The following ZNF740 variants were observed in gnomAD, a reference collection of about 807,000 sequenced individuals.
The protein encoded by ZNF740 is oriLyt TD-element-binding protein 7.
Under a neutral mutation model 24.8 loss-of-function variants are expected in ZNF740, and 14 were observed. The ratio of observed to expected loss-of-function variants is 0.56; its 90% CI spans 0.37 to 0.88. The LOEUF is 0.88. Ranked by LOEUF, ZNF740 falls within the 40% of genes least tolerant of loss-of-function variation. The pLI, the probability that ZNF740 is intolerant of heterozygous loss-of-function variation, is 0.00. For missense variants in ZNF740, 201 were observed against 247.9 expected (o/e 0.81, Z 1.27); for synonymous variants, 69 against 84.0 (o/e 0.82, Z 0.98).
In ZNF740 at chr12:53,191,554, C is replaced by T; in HGVS notation, c.*3964C>T. 6.2e-7 allele frequency: 1 copy of T among 1,605,424 alleles called. No individual in the cohort carries two copies. The highest frequency in any genetic ancestry group is 8.5e-7 in the Non-Finnish European group (1 of 1,172,028). On this transcript the variant is annotated 3_prime_UTR_variant, in exon 7 of 7. Transcript: ENST00000416904. ...AGCCTTGGGTAAGTGTCCCTCCCTC[C>T]TTCAGAGAGTGGGACTGTCTGCCTC...
At position 53,194,024 on chromosome 12, in the gene ZNF740, C is replaced by G; in HGVS notation, c.*6434C>G. 4.6e-6 allele frequency: 6 copies of G among 1,296,410 alleles called. No individual in the cohort carries two copies. The highest frequency in any genetic ancestry group is 6.5e-6 in the Non-Finnish European group (6 of 929,144). 80.3% of individuals were successfully genotyped at this position (1,296,410 alleles called of 1,614,324 possible). ...GGGATGGGGTCATGTTAACACCCAA[C>G]TCCTAGAAACATGCCTGAGGAAGCC... is the stretch of plus-strand genomic sequence containing the variant. On this transcript the variant is annotated 3_prime_UTR_variant, in exon 7 of 7. Transcript: ENST00000416904.
In ZNF740 at chr12:53,180,854, A is replaced by G. The variant is rs1331912956; in HGVS notation, c.-308+17A>G. On this transcript the variant is annotated intron_variant, in intron 1 of 6. Transcript: ENST00000416904. ...GCCTGGCAGGTAGGAGCAAGCCCCAAAGACCGCAGCGTCGTCCGTACAGAC... is the reference window on the plus strand; with the variant it reads ...GCCTGGCAGGTAGGAGCAAGCCCCAGAGACCGCAGCGTCGTCCGTACAGAC... The G allele has an allele frequency of 1.6e-6, 2 of 1,263,402 alleles. No homozygotes were observed. Among genetic ancestry groups the G allele is most frequent in the Non-Finnish European group, 2.0e-6 (2 of 978,480 alleles). 78.3% of individuals were successfully genotyped at this position (1,263,402 alleles called of 1,614,324 possible).
At chr12:53,182,307 C>T (rs886570325) in intron 2 of ZNF740, 3 of 289,168 alleles carry the variant, frequency 1.0e-5, no homozygotes, top group Non-Finnish European at 1.9e-5. Flanking sequence ...ACGGTGAATG[C>T]TTCTTTTGTT....
chr12:53,186,205 T>C, intron 5 of ZNF740, 128 bp downstream of exon 5: 1 of 1,325,112 alleles, frequency 7.5e-7, no homozygotes, highest in Non-Finnish European at 1.0e-6. Context: ...GATAAGTCAA[T>C]GAAGCAGAGA....
Position 53,192,238 on chromosome 12 carries a change from C to CA in ZNF740, c.*4649dup. 4 of 1,391,650 alleles carry CA rather than the reference C, an allele frequency of 2.9e-6. No homozygotes were observed. The South Asian group carries it at 4.8e-5, about 17-fold the overall frequency. 86.2% of individuals were successfully genotyped at this position (1,391,650 alleles called of 1,614,324 possible). A position where few individuals can be genotyped will look rare whatever the true frequency, so the allele number is the denominator to read the frequency against. ...GGATTCACAGTTCTGCTTCAGCCCC[C>CA]AGCCTGTTTCCCATTATCTTCACTC... On this transcript the variant is annotated 3_prime_UTR_variant, in exon 7 of 7. Coordinates refer to ENST00000416904, the MANE Select transcript of ZNF740 (RefSeq NM_001004304.4).
At position 53,192,754 on chromosome 12, in the gene ZNF740, T is replaced by A. The variant is rs750039139; in HGVS notation, c.*5164T>A. The A allele has an allele frequency of 6.2e-7, 1 of 1,614,206 alleles. No homozygotes were observed. The highest frequency in any genetic ancestry group is 8.5e-7 in the Non-Finnish European group (1 of 1,180,042). The stretch of plus-strand genomic sequence containing the variant: ...GTCGCATAGAGCACCATAGTAGCCG[T>A]CCAAGCACTGGCAGCGGTTGCATTT... On this transcript the variant is annotated 3_prime_UTR_variant, in exon 7 of 7. Transcript: ENST00000416904.
Position 53,193,947 on chromosome 12 carries a change from C to A in ZNF740, c.*6357C>A. 6.5e-7 allele frequency: 1 copy of A among 1,536,674 alleles called. No individual in the cohort carries two copies. ...GGCCATGGTTATACACATGCACACA[C>A]ACATACCCCAAACTCACCAATCATC... On this transcript the variant is annotated 3_prime_UTR_variant, in exon 7 of 7. Transcript: ENST00000416904.
rs1942013787 is a variant in ZNF740, at chr12:53,192,909, G to A, written c.*5319G>A. ...ATACTCCACATTGGCAGCGACCAAA[G>A]CCTGGGGTAGAGCCATGCAGAGGGT... On this transcript the variant is annotated 3_prime_UTR_variant, in exon 7 of 7. Coordinates refer to ENST00000416904, the MANE Select transcript of ZNF740 (RefSeq NM_001004304.4). 6.2e-7 allele frequency: 1 copy of A among 1,613,828 alleles called. No homozygotes were observed. The highest frequency in any genetic ancestry group is 1.1e-5 in the South Asian group (1 of 91,046).
chr12:53,182,292 A>G, intron 2 of ZNF740: 1 of 362,378 alleles, frequency 2.8e-6, no homozygotes, highest in Non-Finnish European at 5.0e-6. Flanking sequence ...AAGGGAGTGA[A>G]TAGTACGGTG....
At position 53,190,835 on chromosome 12, in the gene ZNF740, T is replaced by G. The variant is rs1320664890; in HGVS notation, c.*3245T>G. The G allele has an allele frequency of 6.6e-6, 1 of 152,402 alleles. No individual in the cohort carries two copies. The highest frequency in any genetic ancestry group is 2.4e-5 in the African/African-American group (1 of 41,434). 9.4% of individuals were successfully genotyped at this position (152,402 alleles called of 1,614,324 possible). ...TTCCTTCGTGATATATTTAGGATAT[T>G]TAAATAAAAGGAAAATGGGGCTTTT... On this transcript the variant is annotated 3_prime_UTR_variant, in exon 7 of 7. Coordinates refer to ENST00000416904, the MANE Select transcript of ZNF740 (RefSeq NM_001004304.4).
In ZNF740 at chr12:53,192,664, C is replaced by T; in HGVS notation, c.*5074C>T. ...CAACAAGCCCCACTGTGCCCCTGCTCCCAAGATGCAAGACCTGAGGCCTCA... is the reference window on the plus strand; with the variant it reads ...CAACAAGCCCCACTGTGCCCCTGCTTCCAAGATGCAAGACCTGAGGCCTCA... On this transcript the variant is annotated 3_prime_UTR_variant, in exon 7 of 7. Transcript: ENST00000416904. 6.2e-7 allele frequency: 1 copy of T among 1,607,810 alleles called. No homozygotes were observed. Among genetic ancestry groups the T allele is most frequent in the South Asian group, 1.1e-5 (1 of 90,946 alleles).
rs1410797091 is a variant in ZNF740, at chr12:53,189,512, AAG to A, written c.*1924_*1925del. The A allele has an allele frequency of 2.0e-5, 3 of 152,058 alleles. No homozygotes were observed. Among genetic ancestry groups the A allele is most frequent in the Admixed American group, 6.5e-5 (1 of 15,278 alleles). The allele number at this position is 152,058 out of a possible 1,614,324, so 9.4% of individuals were successfully genotyped here. A position where few individuals can be genotyped will look rare whatever the true frequency, so the allele number is the denominator to read the frequency against. The stretch of plus-strand genomic sequence containing the variant: ...CTGTGGTATGAGTATTTCAGGGAAA[AAG>A]AAAGCAGGCATGGCACCCATTCGAT... On this transcript the variant is annotated 3_prime_UTR_variant, in exon 7 of 7. Coordinates refer to ENST00000416904, the MANE Select transcript of ZNF740 (RefSeq NM_001004304.4).
Position 53,191,622 on chromosome 12 carries a change from G to A in ZNF740, c.*4032G>A. The A allele has an allele frequency of 1.2e-6, 2 of 1,613,464 alleles. No individual in the cohort carries two copies. Among genetic ancestry groups the A allele is most frequent in the African/African-American group, 2.7e-5 (2 of 74,994 alleles). ...TGGTGGTCGTGATGGCACTTTTGTAGAGAGGATTACTGTCCTGGAGAAAGA... is the reference window on the plus strand; with the variant it reads ...TGGTGGTCGTGATGGCACTTTTGTAAAGAGGATTACTGTCCTGGAGAAAGA... On this transcript the variant is annotated 3_prime_UTR_variant, in exon 7 of 7. Transcript: ENST00000416904.
Position 53,192,267 on chromosome 12 carries a change from A to C in ZNF740, c.*4677A>C. 6.6e-7 allele frequency: 1 copy of C among 1,507,676 alleles called. No individual in the cohort carries two copies. The highest frequency in any genetic ancestry group is 9.2e-7 in the Non-Finnish European group (1 of 1,087,374). 93.4% of individuals were successfully genotyped at this position (1,507,676 alleles called of 1,614,324 possible). A position where few individuals can be genotyped will look rare whatever the true frequency, so the allele number is the denominator to read the frequency against. ...CTGTTTCCCATTATCTTCACTCTGC[A>C]TCCCCAGAGTTGAGACCCTGCCCAT... On this transcript the variant is annotated 3_prime_UTR_variant, in exon 7 of 7. Transcript: ENST00000416904.
At chr12:53,180,942 GA>G in intron 1 of ZNF740, 105 bp downstream of exon 1, 1 of 893,978 alleles carries the variant, frequency 1.1e-6, no homozygotes, top group Non-Finnish European at 1.4e-6. Flanking sequence ...GGGAGGGGAG[GA>G]GGGGCGCGTG....
chr12:53,193,539 CA>C lies in ZNF740; in HGVS notation c.*5950del, dbSNP rs1774120707. 3 of 749,954 alleles carry C rather than the reference CA, an allele frequency of 4.0e-6. No homozygotes were observed. Among genetic ancestry groups the C allele is most frequent in the East Asian group, 2.7e-5 (1 of 36,706 alleles). The allele number at this position is 749,954 out of a possible 1,614,324, so 46.5% of individuals were successfully genotyped here. A position where few individuals can be genotyped will look rare whatever the true frequency, so the allele number is the denominator to read the frequency against. The stretch of plus-strand genomic sequence containing the variant: ...GTGAGAGAGTGGAGGGAGCCCCAGT[CA>C]GGGGGAGGGCCTGGACATACATGGG... On this transcript the variant is annotated 3_prime_UTR_variant, in exon 7 of 7. Transcript: ENST00000416904.
At position 53,194,078 on chromosome 12, in the gene ZNF740, G is replaced by T; in HGVS notation, c.*6488G>T. ...CAGACTGCTCCAGGAAGGATGGATG[G>T]AGGACTACCTCAGGCTCTCATGTCA... On this transcript the variant is annotated 3_prime_UTR_variant, in exon 7 of 7. Transcript: ENST00000416904. 1 of 1,448,108 alleles carries T rather than the reference G, an allele frequency of 6.9e-7. No individual in the cohort carries two copies. Among genetic ancestry groups the T allele is most frequent in the South Asian group, 1.3e-5 (1 of 79,342 alleles). The allele number at this position is 1,448,108 out of a possible 1,614,324, so 89.7% of individuals were successfully genotyped here.
At chr12:53,184,698 CAAGAT>C (rs1036444185) in intron 2 of ZNF740, among the ~76,000 whole-genome samples, 188 bp from the exon 3 acceptor site, 6 of 152,216 alleles carry the variant, frequency 3.9e-5, no homozygotes, top group Non-Finnish European at 5.9e-5. Flanking sequence ...TGAAGGATGA[CAAGAT>C]AAGTCGTTCC....
At chr12:53,184,144 TGTGTGTGCGCGCGC>T (rs1315734842) in intron 2 of ZNF740, among the ~76,000 whole-genome samples, 37 of 105,148 alleles carry the variant, frequency 3.5e-4, no homozygotes, top group African/African-American at 1.3e-3. Flanking sequence ...TGTGTGTGTG[TGTGTGTGCGCGCGC>T]GCGCTCTGAA....
Sources: allele counts gnomAD v4.1 joint callset (sites outside exome capture counted in the v4.1 genomes callset), GRCh38; gene constraint gnomAD v4.1.1; transcripts MANE v1.5; gene names NCBI Gene and HGNC (gene_info 2026-07-23, HGNC 2026-07-21).